The following MBTPS1 variants were observed in gnomAD, a reference collection of about 807,000 sequenced individuals.
MBTPS1 encodes the protein membrane bound transcription factor peptidase, site 1, also known as membrane-bound transcription factor site-1 protease.
A neutral mutation model predicts 127.8 loss-of-function variants in MBTPS1; 94 were observed. The observed-to-expected ratio is 0.74, with a 90% CI of 0.62 to 0.87. The LOEUF (loss-of-function observed/expected upper bound fraction) is 0.87, where lower values mean the gene tolerates loss of function less well. Ranked by LOEUF, MBTPS1 falls within the 40% of genes least tolerant of loss-of-function variation. MBTPS1 has a pLI of 0.00. For missense variants in MBTPS1, 1,636 were observed against 1,353.2 expected (o/e 1.21, Z -3.28); for synonymous variants, 632 against 509.4 (o/e 1.24, Z -3.24).
At chr16:84,114,366 A>C (rs1163654018) in intron 1 of MBTPS1, among the ~76,000 whole-genome samples, 1 of 152,094 alleles carries the variant, frequency 6.6e-6, no homozygotes, top group Non-Finnish European at 1.5e-5. Context: ...AATTCATCCC[A>C]ATGTATCACT....
At chr16:84,076,286 T>A (rs533915777) in intron 11 of MBTPS1, among the ~76,000 whole-genome samples, 1 of 151,302 alleles carries the variant, frequency 6.6e-6, no homozygotes, top group African/African-American at 2.4e-5. Flanking sequence ...CAATAAAAAA[T>A]ATATACATAT....
At chr16:84,074,237 C>CT (rs779174930) in intron 12 of MBTPS1, among the ~76,000 whole-genome samples, 305 of 144,270 alleles carry the variant, frequency 2.1e-3, no homozygotes, top group African/African-American at 3.4e-3. Context: ...GGGCTATTTC[C>CT]TTTTTTTTTT....
chr16:84,056,428 G>A lies in MBTPS1; in HGVS notation c.2832-293C>T, dbSNP rs544415929. The A allele has an allele frequency of 4.1e-5, 11 of 266,772 alleles. No homozygotes were observed. The South Asian group carries it at 5.0e-4, about 12-fold the overall frequency. 16.5% of individuals were successfully genotyped at this position (266,772 alleles called of 1,614,324 possible). ...AAAGCTAAACATGACCAAGCGCCTCGGGAGGACACTCCAAGCGAGGCCCTG... is the reference window on the plus strand; with the variant it reads ...AAAGCTAAACATGACCAAGCGCCTCAGGAGGACACTCCAAGCGAGGCCCTG... On this transcript the variant is annotated intron_variant, in intron 21 of 22. Transcript: ENST00000343411.
At chr16:84,085,490 G>C (rs2086007135) in intron 9 of MBTPS1, among the ~76,000 whole-genome samples, 2 of 151,810 alleles carry the variant, frequency 1.3e-5, no homozygotes, top group Non-Finnish European at 1.5e-5. Flanking sequence ...GGGAGGTCAA[G>C]GCTGCAGGGA....
At chr16:84,110,453 T>A (rs1003507628) in intron 1 of MBTPS1, among the ~76,000 whole-genome samples, 1 of 152,162 alleles carries the variant, frequency 6.6e-6, no homozygotes, top group Non-Finnish European at 1.5e-5. Context: ...AGTACTCTCA[T>A]ATGTTGCTGG....
rs983749408 is a variant in MBTPS1, at chr16:84,074,491, A to G, written c.1593+106T>C. On this transcript the variant is annotated intron_variant, in intron 12 of 22. Coordinates refer to ENST00000343411, the MANE Select transcript of MBTPS1 (RefSeq NM_003791.4). The stretch of plus-strand genomic sequence containing the variant: ...TCAAGTGATCCTCTCTCCTCGGCCT[A>G]GAACTTTTCCTTTTTTAACTTCAGC... The G allele has an allele frequency of 4.2e-6, 5 of 1,202,106 alleles. No homozygotes were observed. The Admixed American group carries it at 1.1e-4, about 26-fold the overall frequency. The allele number at this position is 1,202,106 out of a possible 1,614,324, so 74.5% of individuals were successfully genotyped here.
At chr16:84,072,716 G>A (rs2085788714) in intron 12 of MBTPS1, among the ~76,000 whole-genome samples, 1 of 152,162 alleles carries the variant, frequency 6.6e-6, no homozygotes, top group African/African-American at 2.4e-5. Flanking sequence ...CGTGAACCCG[G>A]GAGACGGAGC....
chr16:84,111,562 A>T (rs966898389), intron 1 of MBTPS1, among the ~76,000 whole-genome samples: 1 of 152,070 alleles, frequency 6.6e-6, no homozygotes, highest in Admixed American at 6.5e-5. Context: ...AGAAAAAAGA[A>T]AGCAATCAAG....
At chr16:84,069,815 C>A (rs1221185439) in intron 14 of MBTPS1, 51 bp downstream of exon 14, 2 of 1,524,730 alleles carry the variant, frequency 1.3e-6, no homozygotes, top group Non-Finnish European at 1.8e-6. Flanking sequence ...AGTGGTGCCT[C>A]CTCCCACCAC....
rs1468265974 is a variant in MBTPS1, at chr16:84,101,548, T to C, written c.163+73A>G. The stretch of plus-strand genomic sequence containing the variant: ...AAAAGAGGAACATGTTATTCAGCAA[T>C]AGCTAATTTTATATTAAGTAAGCTT... On this transcript the variant is annotated intron_variant, in intron 2 of 22. Coordinates refer to ENST00000343411, the MANE Select transcript of MBTPS1 (RefSeq NM_003791.4). The C allele has an allele frequency of 7.7e-5, 96 of 1,243,906 alleles. No individual in the cohort carries two copies. The East Asian group carries it at 2.2e-3, about 29-fold the overall frequency. The allele number at this position is 1,243,906 out of a possible 1,614,324, so 77.1% of individuals were successfully genotyped here.
Position 84,093,179 on chromosome 16 carries a change from A to G in MBTPS1, c.846+9T>C, listed in dbSNP as rs2086133278. ...TTCCTCAAGTTTCAGGAGTCCTCAAAACACCTACCTGATTATTGGTAAAGA... is the reference window on the plus strand; with the variant it reads ...TTCCTCAAGTTTCAGGAGTCCTCAAGACACCTACCTGATTATTGGTAAAGA... On this transcript the variant is annotated intron_variant, in intron 6 of 22. Coordinates refer to ENST00000343411, the MANE Select transcript of MBTPS1 (RefSeq NM_003791.4). The G allele has an allele frequency of 6.3e-7, 1 of 1,584,490 alleles. No individual in the cohort carries two copies. The highest frequency in any genetic ancestry group is 2.2e-5 in the East Asian group (1 of 44,738).
intron 19 of MBTPS1, 110 bp from the exon 20 acceptor site, chr16:84,060,923 T>G: frequency 9.4e-7 from 1 of 1,059,098 alleles, no homozygotes; most frequent in South Asian, 1.7e-5. Flanking sequence ...AGCCTTGAGC[T>G]CCTGGGCTCA....
intron 10 of MBTPS1, 131 bp from the exon 11 acceptor site, chr16:84,082,039 G>C: frequency 1.8e-6 from 1 of 552,260 alleles, no homozygotes; most frequent in South Asian, 6.7e-5. Flanking sequence ...GTGCTTGTCT[G>C]GCACAGCCTG....
At position 84,101,794 on chromosome 16, in the gene MBTPS1, G is replaced by A. The variant is rs780755404; in HGVS notation, c.-11C>T. ...GTTGACAAGCTTCATGGTCACAAGC[G>A]AATATGATCATAAAATTGCATATAT... On this transcript the variant is annotated 5_prime_UTR_variant, in exon 2 of 23. Coordinates refer to ENST00000343411, the MANE Select transcript of MBTPS1 (RefSeq NM_003791.4). 5.0e-6 allele frequency: 8 copies of A among 1,599,472 alleles called. No homozygotes were observed. The highest frequency in any genetic ancestry group is 1.7e-5 in the Admixed American group (1 of 57,228).
At position 84,063,313 on chromosome 16, in the gene MBTPS1, C is replaced by T. The variant is rs758247595; in HGVS notation, c.2564G>A (p.Arg855Gln). Residue 855 changes from arginine to glutamine, a missense_variant, in exon 19 of 23, where the codon CGA becomes CAA. Arg to Gln is a conservative substitution (Grantham distance 43, BLOSUM62 1). Coordinates refer to ENST00000343411, the MANE Select transcript of MBTPS1 (RefSeq NM_003791.4). ...GDSNCLDDSH[R>Q]QKDCFWLLDA... ...ATCTGCGTTTTTCCTACCCTTCTGTCGGTGACTGTCATCCAAGCAATTGGA... is the reference window on the plus strand; with the variant it reads ...ATCTGCGTTTTTCCTACCCTTCTGTTGGTGACTGTCATCCAAGCAATTGGA... 1.7e-5 allele frequency: 27 copies of T among 1,609,962 alleles called. No homozygotes were observed. In the Middle Eastern group the frequency reaches 4.9e-4, roughly 29 times the overall value.
intron 11 of MBTPS1, among the ~76,000 whole-genome samples, chr16:84,078,946 C>T (rs1200905714): frequency 6.6e-6 from 1 of 152,188 alleles, no homozygotes; most frequent in East Asian, 1.9e-4. Flanking sequence ...TTTGGATGCT[C>T]GCCCCCTCCC....
chr16:84,089,060 A>G (rs1169865498), intron 8 of MBTPS1, among the ~76,000 whole-genome samples: 1 of 152,252 alleles, frequency 6.6e-6, no homozygotes, highest in Non-Finnish European at 1.5e-5. Flanking sequence ...AGCGTGTGAC[A>G]AAACAGTCCG....
chr16:84,092,162 C>T (rs1464843040), intron 6 of MBTPS1, among the ~76,000 whole-genome samples: 1 of 152,172 alleles, frequency 6.6e-6, no homozygotes, highest in African/African-American at 2.4e-5. Flanking sequence ...CCCAACCGCC[C>T]CTCTCCTACA....
intron 3 of MBTPS1, 124 bp from the exon 4 acceptor site, chr16:84,095,929 G>C: frequency 4.3e-6 from 3 of 705,146 alleles, no homozygotes; most frequent in Non-Finnish European, 7.2e-6. Context: ...AGGAAAGTGG[G>C]ATTATCTTCT....
Sources: allele counts gnomAD v4.1 joint callset (sites outside exome capture counted in the v4.1 genomes callset), GRCh38; gene constraint gnomAD v4.1.1; transcripts MANE v1.5; gene names NCBI Gene and HGNC (gene_info 2026-07-23, HGNC 2026-07-21).